GTF2F2: variants seen among roughly 807,000 people sequenced by gnomAD.
The protein encoded by GTF2F2 is ATP-dependent helicase GTF2F2.
Under a neutral mutation model 42.2 loss-of-function variants are expected in GTF2F2, and 23 were observed. The observed-to-expected ratio is 0.55, with a 90% CI of 0.39 to 0.77. The LOEUF is 0.77. Among genes scored for constraint, GTF2F2 ranks in the 30% least tolerant of loss-of-function variants. GTF2F2 has a pLI of 0.00. For synonymous variants in GTF2F2, 105 were observed against 100.8 expected (o/e 1.04, Z -0.25); for missense variants, 261 against 287.2 (o/e 0.91, Z 0.66).
At position 45,179,726 on chromosome 13, in the gene GTF2F2, C is replaced by G. The variant is rs141798001; in HGVS notation, c.305-27698C>G. On this transcript the variant is annotated intron_variant, in intron 4 of 7. Transcript: ENST00000340473. ...TTTGGGGCTTGTAATTTCTTATTAT[C>G]TTGTGGTCTTTTTGATACTTTAAGA... 5.9e-5 allele frequency among the ~76,000 whole-genome samples: 9 copies of G among 152,100 alleles called. No homozygotes were observed. The East Asian group carries it at 1.2e-3, about 20-fold the overall frequency.
At chr13:45,242,611 C>G (rs1335380209) in intron 5 of GTF2F2, among the ~76,000 whole-genome samples, 1 of 152,022 alleles carries the variant, frequency 6.6e-6, no homozygotes, top group Admixed American at 6.6e-5. Context: ...TTGTTTAATT[C>G]CATTGATAAC....
chr13:45,228,201 C>T (rs1034700019), intron 5 of GTF2F2, among the ~76,000 whole-genome samples: 3 of 150,608 alleles, frequency 2.0e-5, no homozygotes, highest in Admixed American at 2.0e-4. Flanking sequence ...AGCAGCTTCT[C>T]CTCATCCCTT....
intron 4 of GTF2F2, among the ~76,000 whole-genome samples, chr13:45,186,225 T>C (rs962999886): frequency 7.2e-5 from 11 of 151,940 alleles, no homozygotes; most frequent in African/African-American, 2.7e-4. Flanking sequence ...CCTGCCCACC[T>C]TGGCCTCCCA....
chr13:45,221,948 C>T (rs368314332), intron 5 of GTF2F2, among the ~76,000 whole-genome samples: 3 of 152,216 alleles, frequency 2.0e-5, no homozygotes, highest in South Asian at 4.2e-4. Flanking sequence ...CAGTTGGTAG[C>T]CCCCTTCCAA....
chr13:45,264,359 G>A (rs1876478641), intron 6 of GTF2F2, among the ~76,000 whole-genome samples: 1 of 151,530 alleles, frequency 6.6e-6, no homozygotes, highest in Non-Finnish European at 1.5e-5. Flanking sequence ...TTGGCTCACT[G>A]CAACCTCTGT....
intron 2 of GTF2F2, among the ~76,000 whole-genome samples, chr13:45,143,362 G>A (rs1870026799): frequency 6.6e-6 from 1 of 152,164 alleles, no homozygotes; most frequent in South Asian, 2.1e-4. Flanking sequence ...TATGGACCTG[G>A]GAATTAGCCT....
intron 7 of GTF2F2, 149 bp downstream of exon 7, chr13:45,267,525 C>T: frequency 1.9e-6 from 1 of 523,814 alleles, no homozygotes; most frequent in Non-Finnish European, 3.3e-6. Flanking sequence ...CTTAATGCAG[C>T]CATTTTTGGT....
chr13:45,163,523 G>C (rs1341372487), intron 4 of GTF2F2, among the ~76,000 whole-genome samples: 1 of 151,822 alleles, frequency 6.6e-6, no homozygotes, highest in African/African-American at 2.4e-5. Flanking sequence ...GCGACAGAGT[G>C]AGACTCTGTC....
intron 6 of GTF2F2, among the ~76,000 whole-genome samples, chr13:45,255,270 T>TTA (rs1876057606): frequency 6.6e-6 from 1 of 152,046 alleles, no homozygotes; most frequent in South Asian, 2.1e-4. Context: ...ATTTGAATGG[T>TTA]TATTTTATAT....
At position 45,236,716 on chromosome 13, in the gene GTF2F2, G is replaced by A. The variant is rs572306266; in HGVS notation, c.387-16155G>A. Among the ~76,000 whole-genome samples the A allele has an allele frequency of 5.9e-5, 9 of 152,166 alleles. No individual in the cohort carries two copies. The South Asian group carries it at 1.2e-3, about 21-fold the overall frequency. Reference sequence around the variant, plus strand: ...GTATAGAAAATCAACCAAAAGGGTCGAGGAAGTGAAAAATGGGGATACTAG... The same window carrying A: ...GTATAGAAAATCAACCAAAAGGGTCAAGGAAGTGAAAAATGGGGATACTAG... On this transcript the variant is annotated intron_variant, in intron 5 of 7. Transcript: ENST00000340473.
chr13:45,276,454 G>A (rs1420887754), intron 7 of GTF2F2, among the ~76,000 whole-genome samples: 3 of 94,528 alleles, frequency 3.2e-5, no homozygotes, highest in Admixed American at 1.9e-4. Context: ...TTTTTTTTTT[G>A]AGATGGAGTC....
chr13:45,246,898 C>T (rs541430875), intron 5 of GTF2F2, among the ~76,000 whole-genome samples: 4 of 151,674 alleles, frequency 2.6e-5, no homozygotes, highest in East Asian at 2.0e-4. Flanking sequence ...ATTAGCCTGG[C>T]GTGGTGGCGG....
intron 5 of GTF2F2, among the ~76,000 whole-genome samples, chr13:45,216,783 T>TGATCCACCC: frequency 6.6e-6 from 1 of 151,974 alleles, no homozygotes; most frequent in Non-Finnish European, 1.5e-5. Context: ...CCTCCCCAAG[T>TGATCCACCC]GCTGGGATTA....
intron 4 of GTF2F2, among the ~76,000 whole-genome samples, chr13:45,161,916 T>C (rs1871058419): frequency 6.6e-6 from 1 of 152,196 alleles, no homozygotes; most frequent in South Asian, 2.1e-4. Context: ...TTCTTTTAGG[T>C]ATAGTTTACA....
At chr13:45,122,281 T>A (rs1359326718) in intron 1 of GTF2F2, among the ~76,000 whole-genome samples, 3 of 149,328 alleles carry the variant, frequency 2.0e-5, no homozygotes, top group Non-Finnish European at 4.4e-5. Flanking sequence ...AAAAAAAAAA[T>A]GTTTGGCAGT....
chr13:45,277,169 A>G (rs1230267610), intron 7 of GTF2F2, among the ~76,000 whole-genome samples: 1 of 152,162 alleles, frequency 6.6e-6, no homozygotes, highest in African/African-American at 2.4e-5. Context: ...ATGAGGGAAA[A>G]TGTCTGTTGC....
chr13:45,256,278 C>G (rs1449848442), intron 6 of GTF2F2, among the ~76,000 whole-genome samples: 1 of 152,048 alleles, frequency 6.6e-6, no homozygotes, highest in African/African-American at 2.4e-5. Context: ...CATAATAGTA[C>G]CTTACTGATT....
At chr13:45,127,797 T>C (rs1210674117) in intron 1 of GTF2F2, among the ~76,000 whole-genome samples, 1 of 151,926 alleles carries the variant, frequency 6.6e-6, no homozygotes, top group African/African-American at 2.4e-5. Context: ...CACGCCCAGC[T>C]AATTTTTGTA....
intron 2 of GTF2F2, among the ~76,000 whole-genome samples, chr13:45,140,415 C>T (rs964004048): frequency 1.3e-5 from 2 of 152,172 alleles, no homozygotes; most frequent in Non-Finnish European, 2.9e-5. Flanking sequence ...CAGAAAACTC[C>T]AGCATGTCCT....
Sources: gnomAD v4.1 joint callset for allele counts (sites outside exome capture counted in the v4.1 genomes callset) on GRCh38, gnomAD v4.1.1 for gene constraint, MANE v1.5 for transcripts, NCBI Gene and HGNC (gene_info 2026-07-23, HGNC 2026-07-21) for gene names.